PRKCB: variants seen among roughly 807,000 people sequenced by gnomAD.
The protein encoded by PRKCB is protein kinase C beta type.
Under a neutral mutation model 81.5 loss-of-function variants are expected in PRKCB, and 13 were observed. The observed-to-expected ratio is 0.16, with a 90% confidence interval of 0.10 to 0.25. The LOEUF is 0.25. Among genes scored for constraint, PRKCB ranks in the 10% least tolerant of loss-of-function variants. PRKCB has a pLI of 1.00. For missense variants in PRKCB, 509 were observed against 875.7 expected, an observed-to-expected ratio of 0.58 and a Z score of 5.29; for synonymous variants, 335 against 321.4, an observed-to-expected ratio of 1.04 and a Z score of -0.45.
chr16:24,022,977 C>T (rs1375206497), intron 3 of PRKCB, among the ~76,000 whole-genome samples: 2 of 152,162 alleles, frequency 1.3e-5, no homozygotes, highest in East Asian at 3.9e-4. Context: ...CTCTAGGTGG[C>T]CTGGAGGTGT....
At position 24,216,101 on chromosome 16, in the gene PRKCB, GAACT is replaced by G. The variant is rs1968223695; in HGVS notation, c.*1290_*1293del. On this transcript the variant is annotated 3_prime_UTR_variant, in exon 17 of 17. Transcript: ENST00000643927. ...ACTGAGGAGGGAACTCAGGAGAAAG[GAACT>G]AACTGCGGAGCTTTAATCTTGGCCC... 2.0e-5 allele frequency: 20 copies of G among 985,402 alleles called. No homozygotes were observed. Among genetic ancestry groups the G allele is most frequent in the Non-Finnish European group, 2.4e-5 (20 of 829,940 alleles). 61.0% of individuals were successfully genotyped at this position (985,402 alleles called of 1,614,324 possible). A position where few individuals can be genotyped will look rare whatever the true frequency, so the allele number is the denominator to read the frequency against.
At chr16:24,122,697 C>T (rs761790844) in intron 8 of PRKCB, among the ~76,000 whole-genome samples, 8 of 152,026 alleles carry the variant, frequency 5.3e-5, no homozygotes, top group African/African-American at 1.9e-4. Context: ...TATCCTCAAT[C>T]GAATCTCCTG....
At chr16:23,982,422 C>G (rs1964751151) in intron 2 of PRKCB, among the ~76,000 whole-genome samples, 1 of 147,374 alleles carries the variant, frequency 6.8e-6, no homozygotes, top group Admixed American at 7.0e-5. Flanking sequence ...CTTCTCTTCT[C>G]TTTTCTTTTT....
chr16:23,912,169 T>A (rs1963668377), intron 2 of PRKCB, among the ~76,000 whole-genome samples: 1 of 152,106 alleles, frequency 6.6e-6, no homozygotes, highest in African/African-American at 2.4e-5. Context: ...GCTGGACTTT[T>A]CAGAGATCAT....
chr16:23,857,958 A>G (rs1424413667), intron 2 of PRKCB, among the ~76,000 whole-genome samples: 1 of 152,200 alleles, frequency 6.6e-6, no homozygotes, highest in Non-Finnish European at 1.5e-5. Flanking sequence ...TGCTACTGTT[A>G]TTGTTGCCAT....
chr16:24,016,529 G>T (rs931407957), intron 3 of PRKCB, among the ~76,000 whole-genome samples: 3 of 151,994 alleles, frequency 2.0e-5, no homozygotes, highest in Non-Finnish European at 4.4e-5. Context: ...AGAATGTCTG[G>T]TTATAAAATA....
chr16:23,961,487 A>G (rs546696251), intron 2 of PRKCB, among the ~76,000 whole-genome samples: 2 of 152,282 alleles, frequency 1.3e-5, no homozygotes, highest in East Asian at 3.9e-4. Flanking sequence ...TGCAGGTCCA[A>G]TCTTATCTTC....
chr16:24,023,147 A>G (rs1965428081), intron 3 of PRKCB, among the ~76,000 whole-genome samples: 1 of 151,626 alleles, frequency 6.6e-6, no homozygotes, highest in Non-Finnish European at 1.5e-5. Flanking sequence ...TGCAGCCTTG[A>G]ATTCCTGGGC....
At chr16:23,978,018 G>A (rs907098942) in intron 2 of PRKCB, among the ~76,000 whole-genome samples, 2 of 152,118 alleles carry the variant, frequency 1.3e-5, no homozygotes, top group Non-Finnish European at 2.9e-5. Flanking sequence ...CTTCACAACC[G>A]TATGTGAAAT....
intron 3 of PRKCB, among the ~76,000 whole-genome samples, chr16:24,016,179 C>G (rs16973118): frequency 0.03 from 4,620 of 152,140 alleles, 86 homozygotes; most frequent in South Asian, 0.073. Context: ...GGGATAACAT[C>G]AAGAGAGCTG....
chr16:24,220,312 A>G lies in PRKCB; in HGVS notation c.*5496A>G. On this transcript the variant is annotated 3_prime_UTR_variant, in exon 17 of 17. Transcript: ENST00000643927. ...AAAATGTTTAGTTTAGAATAAGCGC[A>G]TTATCCAATTATAGAGGTACAATTT... 1.8e-6 allele frequency: 1 copy of G among 560,840 alleles called. No homozygotes were observed. Among genetic ancestry groups the G allele is most frequent in the Non-Finnish European group, 2.9e-6 (1 of 342,472 alleles). 34.7% of individuals were successfully genotyped at this position (560,840 alleles called of 1,614,324 possible). A position where few individuals can be genotyped will look rare whatever the true frequency, so the allele number is the denominator to read the frequency against.
Position 23,843,790 on chromosome 16 carries a change from C to CA in PRKCB, c.205+6411dup, listed in dbSNP as rs544908905. ...CAGCATGTTTATAGTGTATCTAGGC[C>CA]AAAAAAAAAAAAAAAAAAAAAAAAA... On this transcript the variant is annotated intron_variant, in intron 2 of 16. Transcript: ENST00000643927. Among the ~76,000 whole-genome samples, 98 of 113,850 alleles carry CA rather than the reference C, an allele frequency of 8.6e-4. 2 individuals are homozygous for CA. The highest frequency in any genetic ancestry group is 1.4e-3 in the Non-Finnish European group (83 of 57,372). The allele number at this position is 113,850 out of a possible 152,430, so 74.7% of individuals were successfully genotyped here.
At chr16:24,199,331 C>T (rs978697404) in intron 16 of PRKCB, among the ~76,000 whole-genome samples, 2 of 152,168 alleles carry the variant, frequency 1.3e-5, no homozygotes, top group Non-Finnish European at 2.9e-5. Context: ...TAATGAGCTG[C>T]GAATCTGTTC....
chr16:23,886,226 C>G (rs1182426007), intron 2 of PRKCB, among the ~76,000 whole-genome samples: 1 of 152,058 alleles, frequency 6.6e-6, no homozygotes, highest in Admixed American at 6.6e-5. Context: ...TTTCCTTTGA[C>G]TTGCAGATGG....
intron 2 of PRKCB, among the ~76,000 whole-genome samples, chr16:23,916,844 C>CT (rs544062314): frequency 6.6e-6 from 1 of 152,102 alleles, no homozygotes; most frequent in South Asian, 2.1e-4. Context: ...ACTGCAGCCT[C>CT]TGCCTCCTGG....
chr16:24,019,321 G>A (rs923963429), intron 3 of PRKCB, among the ~76,000 whole-genome samples: 1 of 151,928 alleles, frequency 6.6e-6, no homozygotes, highest in Non-Finnish European at 1.5e-5. Flanking sequence ...TCCAGCCTGG[G>A]CAACATAGTG....
chr16:23,958,036 G>C (rs1056797956), intron 2 of PRKCB, among the ~76,000 whole-genome samples: 1 of 152,160 alleles, frequency 6.6e-6, no homozygotes, highest in African/African-American at 2.4e-5. Context: ...CTGTTGCCCA[G>C]GCTGGAGTGC....
intron 3 of PRKCB, among the ~76,000 whole-genome samples, chr16:23,990,920 T>C (rs572456926): frequency 7.9e-5 from 12 of 152,314 alleles, no homozygotes; most frequent in Non-Finnish European, 1.5e-4. Context: ...CAGTCTTTCA[T>C]TGCCCAATAA....
At chr16:24,051,827 G>A (rs1390115567) in intron 5 of PRKCB, among the ~76,000 whole-genome samples, 2 of 151,984 alleles carry the variant, frequency 1.3e-5, no homozygotes, top group Admixed American at 6.6e-5. Flanking sequence ...GAAAGAGGCC[G>A]GGCACAGTGG....
Sources: gnomAD v4.1 joint callset for allele counts (sites outside exome capture counted in the v4.1 genomes callset) on GRCh38, gnomAD v4.1.1 for gene constraint, MANE v1.5 for transcripts, NCBI Gene and HGNC (gene_info 2026-07-23, HGNC 2026-07-21) for gene names.